The following ZNF532 variants were observed in gnomAD, a reference collection of about 807,000 sequenced individuals.
ZNF532 encodes zinc finger protein 532.
In ZNF532, 22 loss-of-function variants were observed where a neutral mutation model predicts 89.3. That is an observed-to-expected ratio of 0.25 (90% CI 0.18 to 0.35). The LOEUF is 0.35. Ranked by LOEUF, ZNF532 falls within the 10% of genes least tolerant of loss-of-function variation. The pLI, the probability that ZNF532 is intolerant of heterozygous loss-of-function variation, is 1.00. For missense variants in ZNF532, 1,132 were observed against 1,643.4 expected (o/e 0.69, Z 5.38); for synonymous variants, 606 against 649.6 (o/e 0.93, Z 1.02).
At chr18:58,974,397 G>T (rs1263353518) in intron 7 of ZNF532, among the ~76,000 whole-genome samples, 1 of 151,984 alleles carries the variant, frequency 6.6e-6, no homozygotes. Flanking sequence ...TTTCTGTAGC[G>T]GCACGGCATC....
At chr18:58,884,375 C>T (rs898531515) in intron 2 of ZNF532, among the ~76,000 whole-genome samples, 4 of 152,284 alleles carry the variant, frequency 2.6e-5, no homozygotes, top group South Asian at 4.1e-4. Context: ...AGTGAGACTC[C>T]GTCTCAAAAT....
intron 3 of ZNF532, chr18:58,931,887 C>G (rs2061994031): frequency 6.6e-6 from 1 of 152,250 alleles, no homozygotes; most frequent in Non-Finnish European, 1.5e-5. Context: ...CTGCAGTGAG[C>G]TGTGATCACG....
In ZNF532 at chr18:58,934,531, G is replaced by A; in HGVS notation, c.2445G>A (p.Glu815=). 1.2e-6 allele frequency: 2 copies of A among 1,614,186 alleles called. No homozygotes were observed. Among genetic ancestry groups the A allele is most frequent in the Non-Finnish European group, 1.7e-6 (2 of 1,180,014 alleles). Residue 815 remains glutamate (E), a synonymous_variant, in exon 4 of 10, where the codon GAG becomes GAA. Coordinates refer to ENST00000591808, the MANE Select transcript of ZNF532 (RefSeq NM_001375912.1). ...HQHKSPYTCP[E]CGAICRSVHF... ...ACAAATCTCCCTACACCTGCCCTGA[G>A]TGTGGGGCCATCTGCAGGTCGGTGC... is the stretch of plus-strand genomic sequence containing the variant.
intron 2 of ZNF532, among the ~76,000 whole-genome samples, chr18:58,878,907 G>A (rs1345722458): frequency 1.3e-5 from 2 of 152,162 alleles, no homozygotes; most frequent in African/African-American, 4.8e-5. Flanking sequence ...CCCCTTAGTA[G>A]AACTTCTTTC....
chr18:58,970,183 C>T (rs1438458249), intron 7 of ZNF532, among the ~76,000 whole-genome samples: 1 of 152,128 alleles, frequency 6.6e-6, no homozygotes, highest in East Asian at 1.9e-4. Context: ...TGTGCCCAAC[C>T]ATATTTGTCC....
At chr18:58,963,603 ATGTGTGTG>A (rs60644289) in intron 7 of ZNF532, among the ~76,000 whole-genome samples, 2,141 of 143,860 alleles carry the variant, frequency 0.015, 20 homozygotes, top group East Asian at 0.03. Flanking sequence ...AAAGAAAAAA[ATGTGTGTG>A]TGTGTGTGTG....
At chr18:58,918,228 A>C (rs1195542842) in intron 2 of ZNF532, 43 bp from the exon 3 acceptor site, 2 of 1,539,884 alleles carry the variant, frequency 1.3e-6, no homozygotes, top group African/African-American at 1.4e-5. Flanking sequence ...CATCGTGAGG[A>C]AATACCAATT....
At position 58,983,976 on chromosome 18, in the gene ZNF532, C is replaced by T. The variant is rs1476444313; in HGVS notation, c.3416C>T (p.Pro1139Leu). 6.2e-7 allele frequency: 1 copy of T among 1,606,730 alleles called. No homozygotes were observed. Among genetic ancestry groups the T allele is most frequent in the African/African-American group, 1.3e-5 (1 of 74,672 alleles). The change falls in exon 10 of 10, where the codon CCC (proline) becomes CTC (leucine). Residue 1139 changes from proline (P) to leucine (L), a missense_variant. Pro to Leu is a moderately conservative substitution (Grantham distance 98). This residue lies in a region of ZNF532 where 415 missense variants were observed against 604.8 expected (regional missense o/e 0.69). Transcript: ENST00000591808. ...ETEIKEDTKV[P>L]SPKRKLEEPV... ...TTTGCTTTCTTTCCCTGAAAGGTCC[C>T]CAGTCCCAAGCGGAAGTTGGAAGAA...
intron 7 of ZNF532, among the ~76,000 whole-genome samples, chr18:58,978,368 A>C (rs1291992916): frequency 6.6e-6 from 1 of 152,230 alleles, no homozygotes; most frequent in African/African-American, 2.4e-5. Context: ...TTAACATGGC[A>C]TACTGAATAA....
upstream of ZNF532, chr18:58,863,747 G>C (rs1275074925): frequency 6.6e-6 from 1 of 151,446 alleles, no homozygotes; most frequent in African/African-American, 2.4e-5. Flanking sequence ...ACCCCGGGAA[G>C]GGGGTGGGTG....
At chr18:58,982,214 G>T (rs1343749124) in intron 9 of ZNF532, among the ~76,000 whole-genome samples, 1 of 152,092 alleles carries the variant, frequency 6.6e-6, no homozygotes, top group Non-Finnish European at 1.5e-5. Context: ...TGAGGCAGGA[G>T]AATCGTTTGA....
chr18:58,935,102 C>T (rs1603228034), intron 4 of ZNF532, among the ~76,000 whole-genome samples: 1 of 135,632 alleles, frequency 7.4e-6, no homozygotes, highest in Non-Finnish European at 1.6e-5. Flanking sequence ...CCCCACTCCT[C>T]CTCCTCCCCA....
intron 2 of ZNF532, among the ~76,000 whole-genome samples, chr18:58,904,369 T>C (rs984106400): frequency 6.6e-6 from 1 of 151,248 alleles, no homozygotes; most frequent in African/African-American, 2.4e-5. Flanking sequence ...AAAAAAATAA[T>C]GTATATGGTT....
intron 7 of ZNF532, among the ~76,000 whole-genome samples, chr18:58,970,775 C>G (rs956543371): frequency 5.9e-5 from 9 of 152,186 alleles, no homozygotes; most frequent in African/African-American, 2.2e-4. Flanking sequence ...AGTGAGAGTC[C>G]CAAACCTCTG....
intron 2 of ZNF532, among the ~76,000 whole-genome samples, chr18:58,884,513 G>T (rs2058149013): frequency 6.6e-6 from 1 of 152,198 alleles, no homozygotes. Context: ...GGCTTATTCA[G>T]GTGACAAAGG....
At chr18:58,865,983 G>A (rs1040585057) in intron 2 of ZNF532, among the ~76,000 whole-genome samples, 1 of 152,192 alleles carries the variant, frequency 6.6e-6, no homozygotes, top group African/African-American at 2.4e-5. Flanking sequence ...AGGATTTGAG[G>A]AGTCTGAAGG....
chr18:58,866,279 G>A (rs1313016388), intron 2 of ZNF532, among the ~76,000 whole-genome samples: 1 of 152,202 alleles, frequency 6.6e-6, no homozygotes, highest in Non-Finnish European at 1.5e-5. Flanking sequence ...TTTAAAGATC[G>A]CAGTTAGGTT....
chr18:58,908,136 G>A (rs889104629), intron 2 of ZNF532, among the ~76,000 whole-genome samples: 2 of 152,176 alleles, frequency 1.3e-5, no homozygotes, highest in African/African-American at 4.8e-5. Context: ...AATATCAGTA[G>A]CCCCTTTCCA....
At chr18:58,920,690 T>G (rs1277989202) in intron 3 of ZNF532, 57 bp downstream of exon 3, 17 of 1,454,324 alleles carry the variant, frequency 1.2e-5, no homozygotes, top group Non-Finnish European at 1.6e-5. Context: ...CATGAGTGCT[T>G]GATAAGATGC....
Sources: gnomAD v4.1 joint callset for allele counts (sites outside exome capture counted in the v4.1 genomes callset) on GRCh38, gnomAD v4.1.1 for gene constraint, gnomAD v4.1.1 regional missense constraint, MANE v1.5 for transcripts, NCBI Gene and HGNC (gene_info 2026-07-23, HGNC 2026-07-21) for gene names.